LHFPL3: variants seen among roughly 807,000 people sequenced by gnomAD.
LHFPL3 encodes LHFPL tetraspan subfamily member 3 protein.
LHFPL3 carries 5 observed loss-of-function variants against 19.3 expected under a neutral mutation model. That is an observed-to-expected ratio of 0.26 (90% CI 0.14 to 0.54). The LOEUF is 0.54. Among genes scored for constraint, LHFPL3 ranks in the 20% least tolerant of loss-of-function variants. The probability of loss-of-function intolerance (pLI) is 0.94; values close to 1 mark genes in which losing one functional copy is unlikely to be tolerated. For missense variants in LHFPL3, 249 were observed against 307.4 expected, an observed-to-expected ratio of 0.81 and a Z score of 1.42; for synonymous variants, 133 against 126.2, an observed-to-expected ratio of 1.05 and a Z score of -0.36.
chr7:104,734,117 G>T (rs1025326836), intron 1 of LHFPL3, among the ~76,000 whole-genome samples: 1 of 152,160 alleles, frequency 6.6e-6, no homozygotes, highest in Non-Finnish European at 1.5e-5. Context: ...GCTTCCCTTT[G>T]TGGGTAACCC....
At chr7:104,645,654 C>CTTTT (rs869151153) in intron 1 of LHFPL3, among the ~76,000 whole-genome samples, 7,941 of 81,608 alleles carry the variant, frequency 0.097, 1,569 homozygotes, top group Middle Eastern at 0.17. Flanking sequence ...ATTGGGTTTT[C>CTTTT]TTTTTTTTTT....
chr7:104,543,930 A>AATC (rs1440646879), intron 1 of LHFPL3, among the ~76,000 whole-genome samples: 1 of 150,272 alleles, frequency 6.7e-6, no homozygotes, highest in Admixed American at 6.6e-5. Context: ...TAATAATAAT[A>AATC]ATAAAACCTA....
chr7:104,448,269 G>T (rs1792369560), intron 1 of LHFPL3, among the ~76,000 whole-genome samples: 1 of 152,132 alleles, frequency 6.6e-6, no homozygotes, highest in South Asian at 2.1e-4. Context: ...GCTTTCTTCA[G>T]TGTCTAGTTT....
At chr7:104,390,880 C>G (rs1255365378) in intron 1 of LHFPL3, among the ~76,000 whole-genome samples, 1 of 152,220 alleles carries the variant, frequency 6.6e-6, no homozygotes, top group Non-Finnish European at 1.5e-5. Flanking sequence ...GCCATTCTAA[C>G]TGGTATGAGA....
chr7:104,534,908 T>G (rs1353274357), intron 1 of LHFPL3, among the ~76,000 whole-genome samples: 1 of 152,212 alleles, frequency 6.6e-6, no homozygotes, highest in Non-Finnish European at 1.5e-5. Context: ...ATAACGAGCC[T>G]GTTGAAGATA....
chr7:104,733,759 T>C (rs1793748130), intron 1 of LHFPL3, among the ~76,000 whole-genome samples: 1 of 152,230 alleles, frequency 6.6e-6, no homozygotes, highest in Admixed American at 6.5e-5. Context: ...TTTGATCCTG[T>C]CATTATGATG....
chr7:104,881,927 T>C (rs1362176944), intron 2 of LHFPL3, among the ~76,000 whole-genome samples: 2 of 152,178 alleles, frequency 1.3e-5, no homozygotes, highest in Non-Finnish European at 2.9e-5. Context: ...CGTTCATTAA[T>C]TTATTTTTAA....
chr7:104,465,493 T>A (rs1034764465), intron 1 of LHFPL3, among the ~76,000 whole-genome samples: 1 of 152,322 alleles, frequency 6.6e-6, no homozygotes, highest in Middle Eastern at 3.4e-3. Flanking sequence ...GACTTGGTAA[T>A]TTATGAAGGA....
chr7:104,814,881 C>T (rs949808666), intron 2 of LHFPL3, among the ~76,000 whole-genome samples: 14 of 152,208 alleles, frequency 9.2e-5, no homozygotes, highest in Non-Finnish European at 1.3e-4. Context: ...AGGGAGAAAC[C>T]AGGCGGCGGG....
intron 2 of LHFPL3, among the ~76,000 whole-genome samples, chr7:104,748,354 G>C (rs13311243): frequency 0.31 from 44,234 of 143,676 alleles, 7,262 homozygotes; most frequent in East Asian, 0.65. Flanking sequence ...GGTCTGTGCT[G>C]AGGAGGATTA....
intron 1 of LHFPL3, among the ~76,000 whole-genome samples, chr7:104,616,964 C>T (rs568900504): frequency 1.8e-4 from 27 of 152,134 alleles, no homozygotes; most frequent in Non-Finnish European, 3.7e-4. Context: ...CCATCTCATG[C>T]CAGTTAGAAT....
intron 2 of LHFPL3, among the ~76,000 whole-genome samples, chr7:104,741,088 G>C (rs1793928089): frequency 6.6e-6 from 1 of 152,116 alleles, no homozygotes; most frequent in Non-Finnish European, 1.5e-5. Flanking sequence ...ATATTCAAAA[G>C]GAAAACAAGG....
At chr7:104,741,275 T>G (rs891277569) in intron 2 of LHFPL3, among the ~76,000 whole-genome samples, 1 of 152,072 alleles carries the variant, frequency 6.6e-6, no homozygotes, top group African/African-American at 2.4e-5. Context: ...TTATCATAAA[T>G]TGTAAAGTGG....
At chr7:104,709,897 C>T (rs10953444) in intron 1 of LHFPL3, among the ~76,000 whole-genome samples, 50,300 of 150,422 alleles carry the variant, frequency 0.33, 8,993 homozygotes, top group East Asian at 0.64. Context: ...CAGGCAGAGA[C>T]GCTCCTCACT....
chr7:104,648,956 C>T (rs1791979068), intron 1 of LHFPL3, among the ~76,000 whole-genome samples: 1 of 152,332 alleles, frequency 6.6e-6, no homozygotes, highest in African/African-American at 2.4e-5. Context: ...CCATAGGAAG[C>T]TCTATGGACA....
intron 2 of LHFPL3, among the ~76,000 whole-genome samples, chr7:104,807,009 A>ATGTGTGTGTG (rs750104248): frequency 1.4e-3 from 99 of 71,358 alleles, no homozygotes; most frequent in Non-Finnish European, 2.2e-3. Context: ...ACCAAAATAT[A>ATGTGTGTGTG]TATGTGTGTG....
intron 1 of LHFPL3, among the ~76,000 whole-genome samples, chr7:104,691,070 C>T (rs778763412): frequency 2.0e-5 from 3 of 152,190 alleles, no homozygotes; most frequent in Non-Finnish European, 4.4e-5. Context: ...AGCATTTGCC[C>T]TGTTACTTGG....
chr7:104,340,840 T>C (rs1483354248), intron 1 of LHFPL3, among the ~76,000 whole-genome samples: 3 of 152,110 alleles, frequency 2.0e-5, no homozygotes, highest in Non-Finnish European at 1.5e-5. Context: ...TGACTGAAAA[T>C]AATAGGAATG....
chr7:104,812,709 C>A (rs1282970667), intron 2 of LHFPL3, among the ~76,000 whole-genome samples: 1 of 140,532 alleles, frequency 7.1e-6, no homozygotes, highest in Admixed American at 7.9e-5. Context: ...GAGACTGAGG[C>A]AGGAGAATCA....
Sources: allele counts gnomAD v4.1 joint callset (sites outside exome capture counted in the v4.1 genomes callset), GRCh38; gene constraint gnomAD v4.1.1; transcripts MANE v1.5; gene names NCBI Gene and HGNC (gene_info 2026-07-23, HGNC 2026-07-21).